RABGAP1L: variants seen among roughly 807,000 people sequenced by gnomAD.
The protein encoded by RABGAP1L is RAB GTPase activating protein 1 like.
RABGAP1L carries 63 observed loss-of-function variants against 137.7 expected under a neutral mutation model. The ratio of observed to expected loss-of-function variants is 0.46; its 90% CI spans 0.37 to 0.56. RABGAP1L has a LOEUF of 0.56. Ranked by LOEUF, RABGAP1L falls within the 20% of genes least tolerant of loss-of-function variation. The pLI, the probability that RABGAP1L is intolerant of heterozygous loss-of-function variation, is 0.00. For synonymous variants in RABGAP1L, 431 were observed against 433.7 expected, an observed-to-expected ratio of 0.99 and a Z score of 0.08; for missense variants, 1,095 against 1,244.0, an observed-to-expected ratio of 0.88 and a Z score of 1.80.
At chr1:174,671,123 C>CA (rs1314533442) in intron 14 of RABGAP1L, among the ~76,000 whole-genome samples, 2 of 152,060 alleles carry the variant, frequency 1.3e-5, no homozygotes, top group Non-Finnish European at 2.9e-5. Context: ...ATTCTTTTTT[C>CA]AAATAGTTCA....
At chr1:174,277,450 AGTTTT>A (rs1675097093) in intron 9 of RABGAP1L, among the ~76,000 whole-genome samples, 2 of 151,768 alleles carry the variant, frequency 1.3e-5, no homozygotes, top group Non-Finnish European at 2.9e-5. Flanking sequence ...CACCTAGTTT[AGTTTT>A]ATTTTGCAAT....
At chr1:174,321,278 G>T (rs1224566675) in intron 11 of RABGAP1L, among the ~76,000 whole-genome samples, 1 of 152,130 alleles carries the variant, frequency 6.6e-6, no homozygotes. Context: ...AACTTCATTA[G>T]CAATTTTAAT....
At chr1:174,781,413 G>T (rs1686996038) in intron 18 of RABGAP1L, among the ~76,000 whole-genome samples, 1 of 151,970 alleles carries the variant, frequency 6.6e-6, no homozygotes, top group South Asian at 2.1e-4. Context: ...TTTTTGATGG[G>T]GCTGTTTTTT....
In RABGAP1L at chr1:174,449,254, G is replaced by A. The variant is rs1655157183; in HGVS notation, c.1710+55109G>A. On this transcript the variant is annotated intron_variant, in intron 13 of 25. Transcript: ENST00000681986. ...GACAGTGGTTTTGGATCATATTCTA[G>A]ATTCATCTGGAAATTTGCCATCAGA... The A allele has an allele frequency of 2.1e-6, 3 of 1,408,100 alleles. No homozygotes were observed. In the Admixed American group the frequency reaches 7.2e-5, roughly 34 times the overall value. The allele number at this position is 1,408,100 out of a possible 1,614,324, so 87.2% of individuals were successfully genotyped here.
intron 11 of RABGAP1L, among the ~76,000 whole-genome samples, chr1:174,320,198 C>G (rs1258840019): frequency 6.6e-6 from 1 of 152,102 alleles, no homozygotes; most frequent in East Asian, 1.9e-4. Context: ...TGATATGAAA[C>G]ATTTTCATCA....
At chr1:174,330,507 C>G (rs1415797585) in intron 11 of RABGAP1L, among the ~76,000 whole-genome samples, 2 of 152,122 alleles carry the variant, frequency 1.3e-5, no homozygotes, top group Non-Finnish European at 2.9e-5. Context: ...ATTGCTTGGG[C>G]CCAGGAGTTT....
chr1:174,308,267 A>G (rs1414261526), intron 11 of RABGAP1L, among the ~76,000 whole-genome samples: 1 of 152,022 alleles, frequency 6.6e-6, no homozygotes, highest in Non-Finnish European at 1.5e-5. Context: ...ACACACATAT[A>G]CATATATGCA....
At chr1:174,274,501 A>ATACCATC (rs1194369788) in intron 8 of RABGAP1L, among the ~76,000 whole-genome samples, 1 of 152,142 alleles carries the variant, frequency 6.6e-6, no homozygotes, top group Non-Finnish European at 1.5e-5. Context: ...TGTAGCCCCT[A>ATACCATC]TACCATCTAG....
chr1:174,383,038 A>C (rs909213369), intron 12 of RABGAP1L, among the ~76,000 whole-genome samples: 1 of 151,082 alleles, frequency 6.6e-6, no homozygotes, highest in South Asian at 2.1e-4. Flanking sequence ...GGTCTGTTGG[A>C]ATACCCTGCG....
intron 13 of RABGAP1L, chr1:174,547,906 G>C (rs1224357962): frequency 6.5e-7 from 1 of 1,549,542 alleles, no homozygotes; most frequent in Non-Finnish European, 8.7e-7. Context: ...GTCTATGAAG[G>C]TCTCCATGAC....
At chr1:174,642,455 T>C (rs1460948861) in intron 14 of RABGAP1L, among the ~76,000 whole-genome samples, 1 of 152,184 alleles carries the variant, frequency 6.6e-6, no homozygotes, top group African/African-American at 2.4e-5. Flanking sequence ...TCATACATTA[T>C]TTATATTGCT....
At chr1:174,367,405 A>G (rs1684740491) in intron 11 of RABGAP1L, 1 of 199,480 alleles carries the variant, frequency 5.0e-6, no homozygotes, top group Non-Finnish European at 1.0e-5. Context: ...GGCATTGACT[A>G]GTTCTCTTTG....
At chr1:174,572,328 G>A (rs1668043039) in intron 13 of RABGAP1L, among the ~76,000 whole-genome samples, 1 of 152,134 alleles carries the variant, frequency 6.6e-6, no homozygotes, top group African/African-American at 2.4e-5. Flanking sequence ...CGCTTGACCT[G>A]TTTTCTTGTT....
intron 9 of RABGAP1L, 67 bp downstream of exon 9, chr1:174,276,002 C>A: frequency 1.5e-6 from 2 of 1,330,726 alleles, no homozygotes; most frequent in South Asian, 1.5e-5. Context: ...TGTTGCTTGT[C>A]ATGTTTTAAA....
intron 18 of RABGAP1L, among the ~76,000 whole-genome samples, chr1:174,785,739 G>A (rs1010701293): frequency 1.3e-5 from 2 of 152,162 alleles, no homozygotes; most frequent in African/African-American, 2.4e-5. Flanking sequence ...TATAACCCAC[G>A]CTGCTTCTCC....
intron 17 of RABGAP1L, among the ~76,000 whole-genome samples, chr1:174,712,126 TGGACCAATCAGCTGTCTGTAAAAC>T (rs1241073645): frequency 2.0e-5 from 3 of 152,100 alleles, no homozygotes; most frequent in Non-Finnish European, 4.4e-5. Flanking sequence ...CTCTGTAAAA[TGGACCAATCAGCTGTCTGTAAAAC>T]GGACCAATCA....
At chr1:174,889,335 G>A (rs1456761092) in intron 19 of RABGAP1L, among the ~76,000 whole-genome samples, 1 of 151,936 alleles carries the variant, frequency 6.6e-6, no homozygotes, top group Non-Finnish European at 1.5e-5. Context: ...TATTGGGCAG[G>A]CTGGTCTCGA....
At chr1:174,539,073 T>C (rs186350221) in intron 13 of RABGAP1L, among the ~76,000 whole-genome samples, 68 of 152,230 alleles carry the variant, frequency 4.5e-4, no homozygotes, top group Admixed American at 5.9e-4. Flanking sequence ...CATTTATCAT[T>C]CAGAATAATA....
intron 19 of RABGAP1L, among the ~76,000 whole-genome samples, chr1:174,918,932 G>A (rs1183656063): frequency 6.6e-6 from 1 of 152,102 alleles, no homozygotes; most frequent in East Asian, 1.9e-4. Flanking sequence ...TGGGAGAATT[G>A]CTTAAGCCTA....
Sources: gnomAD v4.1 joint callset for allele counts (sites outside exome capture counted in the v4.1 genomes callset) on GRCh38, gnomAD v4.1.1 for gene constraint, MANE v1.5 for transcripts, NCBI Gene and HGNC (gene_info 2026-07-23, HGNC 2026-07-21) for gene names.